The following PKN2 variants were observed in gnomAD, a reference collection of about 807,000 sequenced individuals.
The protein encoded by PKN2 is protein kinase N2, also known as serine/threonine-protein kinase N2.
In PKN2, 38 loss-of-function variants were observed where a neutral mutation model predicts 119.1. The ratio of observed to expected loss-of-function variants is 0.32; its 90% CI spans 0.25 to 0.42. The LOEUF is 0.42. Among genes scored for constraint, PKN2 ranks in the 10% least tolerant of loss-of-function variants. The pLI, the probability that PKN2 is intolerant of heterozygous loss-of-function variation, is 1.00. For missense variants in PKN2, 850 were observed against 1,165.1 expected (o/e 0.73, Z 3.94); for synonymous variants, 390 against 384.9 (o/e 1.01, Z -0.15).
chr1:88,755,267 A>G (rs778767911), intron 2 of PKN2, among the ~76,000 whole-genome samples: 8 of 152,176 alleles, frequency 5.3e-5, no homozygotes, highest in Non-Finnish European at 4.4e-5. Flanking sequence ...ATAATGCTCA[A>G]ATTTAACGTA....
At position 88,770,354 on chromosome 1, in the gene PKN2, T is replaced by C; in HGVS notation, c.507T>C (p.Asp169=). Residue 169 remains aspartate, a splice_region_variant and synonymous_variant, in exon 4 of 22, where the codon GAT becomes GAC. Transcript: ENST00000370521. ...IQMYSNGSSK[D]RKLHGTAQQL... is the part of the protein sequence containing the mutation. ...TTTCAAACTTATTTTTTTAATAGGA[T>C]CGGAAACTCCATGGTACAGCTCAGC... 1 of 1,589,228 alleles carries C rather than the reference T, an allele frequency of 6.3e-7. No homozygotes were observed. The highest frequency in any genetic ancestry group is 2.2e-5 in the East Asian group (1 of 44,736).
chr1:88,721,043 G>A (rs1667656582), intron 1 of PKN2, among the ~76,000 whole-genome samples: 1 of 152,070 alleles, frequency 6.6e-6, no homozygotes, highest in Non-Finnish European at 1.5e-5. Context: ...ATTTGGGCTG[G>A]TTCTGTATTT....
intron 8 of PKN2, among the ~76,000 whole-genome samples, chr1:88,798,337 A>G (rs1199837440): frequency 6.6e-6 from 1 of 151,886 alleles, no homozygotes; most frequent in Non-Finnish European, 1.5e-5. Flanking sequence ...TGAAAACATG[A>G]GCAAAGGATA....
At chr1:88,713,401 A>AT (rs1667320434) in intron 1 of PKN2, among the ~76,000 whole-genome samples, 1 of 152,244 alleles carries the variant, frequency 6.6e-6, no homozygotes, top group South Asian at 2.1e-4. Flanking sequence ...CAACAGTGTA[A>AT]AAGTGTTCCT....
chr1:88,721,352 T>C (rs750562532), intron 1 of PKN2, among the ~76,000 whole-genome samples: 11 of 152,128 alleles, frequency 7.2e-5, no homozygotes, highest in Non-Finnish European at 1.6e-4. Context: ...TGGTATCGCA[T>C]TGTGTTTTTG....
intron 6 of PKN2, among the ~76,000 whole-genome samples, chr1:88,780,611 A>T (rs1670295851): frequency 1.3e-5 from 2 of 152,152 alleles, no homozygotes; most frequent in South Asian, 4.1e-4. Context: ...AGACCTTGTC[A>T]TCTACCTACA....
At position 88,833,304 on chromosome 1, in the gene PKN2, A is replaced by G. The variant is rs1672807352; in HGVS notation, c.2811A>G (p.Ile937Met). ...KKVKPPFIPT[I>M]RGREDVSNFD... ...TAAAGCCACCATTTATACCTACCAT[A>G]AGAGGACGAGAAGATGTTAGTAATT... is the stretch of plus-strand genomic sequence containing the variant. The change falls in exon 22 of 22, where the codon ATA becomes ATG. Residue 937 changes from isoleucine to methionine, a missense_variant. This residue lies in a region of PKN2 where 95 missense variants were observed against 150.2 expected (regional missense o/e 0.63). Transcript: ENST00000370521. 6.2e-7 allele frequency: 1 copy of G among 1,613,418 alleles called. No individual in the cohort carries two copies. Among genetic ancestry groups the G allele is most frequent in the African/African-American group, 1.3e-5 (1 of 75,030 alleles).
intron 8 of PKN2, among the ~76,000 whole-genome samples, chr1:88,797,849 C>T (rs1671152655): frequency 6.6e-6 from 1 of 151,928 alleles, no homozygotes; most frequent in Non-Finnish European, 1.5e-5. Flanking sequence ...GTAATAGAGA[C>T]CAGGCACAGT....
At chr1:88,736,074 C>T (rs1401787251) in intron 1 of PKN2, among the ~76,000 whole-genome samples, 1 of 152,124 alleles carries the variant, frequency 6.6e-6, no homozygotes, top group Non-Finnish European at 1.5e-5. Context: ...AATAGCTTGT[C>T]TTCAAGCTCA....
Position 88,824,424 on chromosome 1 carries a change from A to T in PKN2, c.2419+38A>T, listed in dbSNP as rs774775652. The T allele has an allele frequency of 4.3e-6, 5 of 1,168,018 alleles. No individual in the cohort carries two copies. The Admixed American group carries it at 8.7e-5, about 20-fold the overall frequency. The allele number at this position is 1,168,018 out of a possible 1,614,324, so 72.4% of individuals were successfully genotyped here. On this transcript the variant is annotated intron_variant, in intron 18 of 21. Transcript: ENST00000370521. Reference sequence around the variant, plus strand: ...TTTTAAGTTTCTTTTCTGATTCAGAATTACTGTTTCTTTGTGCATCAGTAG... The same window carrying T: ...TTTTAAGTTTCTTTTCTGATTCAGATTTACTGTTTCTTTGTGCATCAGTAG...
At chr1:88,812,992 T>C (rs944182574) in intron 15 of PKN2, among the ~76,000 whole-genome samples, 19 of 151,882 alleles carry the variant, frequency 1.3e-4, no homozygotes, top group Non-Finnish European at 1.2e-4. Context: ...TCTATGAGTT[T>C]ATTTATAATA....
chr1:88,734,174 A>T (rs188716503), intron 1 of PKN2, among the ~76,000 whole-genome samples: 152 of 152,164 alleles, frequency 1.0e-3, no homozygotes, highest in African/African-American at 3.6e-3. Flanking sequence ...AAAAAAAAAA[A>T]AAATTTGGAG....
intron 17 of PKN2, among the ~76,000 whole-genome samples, chr1:88,823,065 A>G (rs1672360145): frequency 1.3e-5 from 2 of 152,138 alleles, no homozygotes; most frequent in African/African-American, 4.8e-5. Context: ...CAAAAAAATA[A>G]CAAAAATCAG....
At chr1:88,727,791 C>G (rs1052748043) in intron 1 of PKN2, among the ~76,000 whole-genome samples, 3 of 152,128 alleles carry the variant, frequency 2.0e-5, no homozygotes, top group East Asian at 1.9e-4. Flanking sequence ...TACAAATCTT[C>G]CATTTTAATC....
In PKN2 at chr1:88,807,831, T is replaced by C. The variant is rs1671612543; in HGVS notation, c.2102+56T>C. 3 of 1,015,176 alleles carry C rather than the reference T, an allele frequency of 3.0e-6. No homozygotes were observed. In the Admixed American group the frequency reaches 6.5e-5, roughly 22 times the overall value. 62.9% of individuals were successfully genotyped at this position (1,015,176 alleles called of 1,614,324 possible). ...TTCTGAATTTGTAAGTTAAGAGAAA[T>C]GATATATGTATTACAACAGCAAAAC... On this transcript the variant is annotated intron_variant, in intron 15 of 21. Coordinates refer to ENST00000370521, the MANE Select transcript of PKN2 (RefSeq NM_006256.4).
intron 1 of PKN2, among the ~76,000 whole-genome samples, chr1:88,721,656 G>A (rs956096456): frequency 2.0e-5 from 3 of 152,112 alleles, no homozygotes; most frequent in African/African-American, 7.2e-5. Flanking sequence ...AGGTATTATG[G>A]TAAGTTAATT....
rs375528686 is a variant in PKN2, at chr1:88,807,299, T to TTAA, written c.1804-11_1804-9dup. Reference sequence around the variant, plus strand: ...GGTATTTCTATGGATTCACGTGTATTTAATATTTTACAGGATTCAGAGACT... The same window carrying TTAA: ...GGTATTTCTATGGATTCACGTGTATTTAATAATATTTTACAGGATTCAGAGACT... On this transcript the variant is annotated splice_polypyrimidine_tract_variant and intron_variant, in intron 12 of 21. Coordinates refer to ENST00000370521, the MANE Select transcript of PKN2 (RefSeq NM_006256.4). 1 of 1,491,162 alleles carries TTAA rather than the reference T, an allele frequency of 6.7e-7. No individual in the cohort carries two copies. The allele number at this position is 1,491,162 out of a possible 1,614,324, so 92.4% of individuals were successfully genotyped here. A position where few individuals can be genotyped will look rare whatever the true frequency, so the allele number is the denominator to read the frequency against.
intron 8 of PKN2, among the ~76,000 whole-genome samples, chr1:88,786,945 C>G (rs1670602276): frequency 1.4e-5 from 2 of 139,044 alleles, no homozygotes; most frequent in African/African-American, 5.3e-5. Context: ...ACTTTTAAAA[C>G]TGGGAAAGCA....
intron 19 of PKN2, among the ~76,000 whole-genome samples, chr1:88,830,676 A>G (rs1672691846): frequency 1.3e-5 from 2 of 152,134 alleles, no homozygotes; most frequent in South Asian, 4.1e-4. Context: ...AGGGTTTGGC[A>G]GAAAACAAGG....
Sources: gnomAD v4.1 joint callset for allele counts (sites outside exome capture counted in the v4.1 genomes callset) on GRCh38, gnomAD v4.1.1 for gene constraint, gnomAD v4.1.1 regional missense constraint, MANE v1.5 for transcripts, NCBI Gene and HGNC (gene_info 2026-07-23, HGNC 2026-07-21) for gene names.